Variants in CMKLR2 observed in about 807,000 individuals in gnomAD.
CMKLR2 encodes the protein chemerin-like receptor 2.
In CMKLR2, 18 loss-of-function variants were observed where a neutral mutation model predicts 23.0. That is an observed-to-expected ratio of 0.78 (90% CI 0.54 to 1.16). The LOEUF (loss-of-function observed/expected upper bound fraction) is 1.16, where lower values mean the gene tolerates loss of function less well. Among genes scored for constraint, CMKLR2 ranks in the 50% most tolerant of loss-of-function variants. The pLI is 0.00. For synonymous variants in CMKLR2, 158 were observed against 158.9 expected, an observed-to-expected ratio of 0.99 and a Z score of 0.05; for missense variants, 401 against 412.7, an observed-to-expected ratio of 0.97 and a Z score of 0.25.
chr2:206,207,396 T>A (rs537497218), intron 1 of CMKLR2, among the ~76,000 whole-genome samples: 1 of 152,098 alleles, frequency 6.6e-6, no homozygotes, highest in Non-Finnish European at 1.5e-5. Flanking sequence ...TGCCTTGGCC[T>A]CCCAGAGTGC....
chr2:206,207,628 G>C (rs1689377064), intron 1 of CMKLR2, among the ~76,000 whole-genome samples: 1 of 150,778 alleles, frequency 6.6e-6, no homozygotes, highest in Non-Finnish European at 1.5e-5. Flanking sequence ...AAGAATCCTG[G>C]GAGGTACTGT....
In CMKLR2 at chr2:206,176,485, A is replaced by T; in HGVS notation, c.763T>A (p.Phe255Ile). ...FWTILVVVVA[F>I]VVCWTPYHLF... is the part of the protein sequence containing the mutation. ...TGATAAGGAGTCCAGCAAACCACAA[A>T]GGCCACAACCACAACCAGAATTGTC... The change falls in exon 2 of 2, where the codon TTT (phenylalanine) becomes ATT (isoleucine). Residue 255 changes from phenylalanine to isoleucine, a missense_variant. Phe to Ile is a conservative substitution (Grantham distance 21). Transcript: ENST00000621141. 1 of 1,614,220 alleles carries T rather than the reference A, an allele frequency of 6.2e-7. No individual in the cohort carries two copies. Among genetic ancestry groups the T allele is most frequent in the East Asian group, 2.2e-5 (1 of 44,886 alleles).
upstream of CMKLR2, among the ~76,000 whole-genome samples, chr2:206,215,268 C>A (rs937436956): frequency 6.6e-6 from 1 of 152,162 alleles, no homozygotes; most frequent in African/African-American, 2.4e-5. Context: ...TAGAGCTCTG[C>A]TAGTTTCCAT....
intron 1 of CMKLR2, among the ~76,000 whole-genome samples, chr2:206,205,529 A>ATT (rs35597653): frequency 6.9e-6 from 1 of 144,172 alleles, no homozygotes; most frequent in Non-Finnish European, 1.5e-5. Flanking sequence ...CACCCGGCTA[A>ATT]TTTTTTTTTT....
At chr2:206,216,059 G>T (rs1689743303), upstream of CMKLR2, among the ~76,000 whole-genome samples, 1 of 152,188 alleles carries the variant, frequency 6.6e-6, no homozygotes, top group African/African-American at 2.4e-5. Context: ...AGGATTTCTG[G>T]ACAGTTTTGC....
chr2:206,180,734 C>CATTATTATTATTATTATTATTATT (rs58356678), intron 1 of CMKLR2, among the ~76,000 whole-genome samples: 1 of 130,562 alleles, frequency 7.7e-6, no homozygotes, highest in Non-Finnish European at 1.6e-5. Context: ...GTGCCCAGCC[C>CATTATTATTATTATTATTATTATT]ATTATTATTA....
chr2:206,202,861 C>G (rs866148853), intron 1 of CMKLR2, among the ~76,000 whole-genome samples: 7 of 152,214 alleles, frequency 4.6e-5, no homozygotes, highest in Admixed American at 4.6e-4. Context: ...TGTCACCCCT[C>G]CATCCACTGT....
intron 1 of CMKLR2, among the ~76,000 whole-genome samples, chr2:206,186,413 A>G (rs1369396184): frequency 1.3e-5 from 2 of 152,024 alleles, no homozygotes; most frequent in Non-Finnish European, 2.9e-5. Flanking sequence ...GCCCGGCCGG[A>G]ATGGGCTTTT....
At chr2:206,187,847 C>T (rs947438055) in intron 1 of CMKLR2, among the ~76,000 whole-genome samples, 6 of 152,080 alleles carry the variant, frequency 3.9e-5, no homozygotes, top group African/African-American at 1.4e-4. Flanking sequence ...TAGAAAGAAG[C>T]TGTGGTGGGC....
chr2:206,210,307 GTCC>G (rs1223598463), intron 1 of CMKLR2, among the ~76,000 whole-genome samples: 3 of 152,112 alleles, frequency 2.0e-5, no homozygotes, highest in African/African-American at 7.2e-5. Context: ...CTCCATCCAT[GTCC>G]CTGCAAAGGA....
chr2:206,213,742 A>C (rs1308841261), upstream of CMKLR2: 1 of 152,258 alleles, frequency 6.6e-6, no homozygotes, highest in Non-Finnish European at 1.5e-5. Context: ...ATGTTCTTCG[A>C]ATGCATGGTA....
At chr2:206,196,776 ACT>A (rs1210443962) in intron 1 of CMKLR2, among the ~76,000 whole-genome samples, 15 of 152,070 alleles carry the variant, frequency 9.9e-5, no homozygotes, top group Non-Finnish European at 2.1e-4. Context: ...GCTGGTTCTG[ACT>A]CTGTTGTTAA....
At chr2:206,177,443 C>T (rs751492949) in intron 1 of CMKLR2, among the ~76,000 whole-genome samples, 168 bp from the exon 2 acceptor site, 39 of 152,208 alleles carry the variant, frequency 2.6e-4, no homozygotes, top group Non-Finnish European at 4.3e-4. Flanking sequence ...AGCTGGAGTG[C>T]AATGGCATGC....
intron 1 of CMKLR2, among the ~76,000 whole-genome samples, chr2:206,207,679 AAAGTGGTG>A (rs1389005983): frequency 4.7e-5 from 7 of 149,504 alleles, no homozygotes; most frequent in Non-Finnish European, 1.0e-4. Context: ...GCACTTAGCA[AAAGTGGTG>A]AAGAACAGAC....
intron 1 of CMKLR2, among the ~76,000 whole-genome samples, chr2:206,207,894 C>T (rs1363579426): frequency 6.6e-6 from 1 of 151,708 alleles, no homozygotes; most frequent in East Asian, 1.9e-4. Context: ...AGGCATGTGC[C>T]ACCATGCTCA....
intron 1 of CMKLR2, among the ~76,000 whole-genome samples, chr2:206,195,388 G>T (rs1164070721): frequency 6.6e-6 from 1 of 152,154 alleles, no homozygotes; most frequent in Non-Finnish European, 1.5e-5. Context: ...GCAAGACGTT[G>T]CATCTGTTTA....
At chr2:206,188,700 C>T (rs1458062401) in intron 1 of CMKLR2, among the ~76,000 whole-genome samples, 1 of 152,238 alleles carries the variant, frequency 6.6e-6, no homozygotes, top group Non-Finnish European at 1.5e-5. Context: ...TTGGAGGACC[C>T]ACGTTATCAC....
At chr2:206,203,317 G>A (rs971431194) in intron 1 of CMKLR2, 1 of 135,290 alleles carries the variant, frequency 7.4e-6, no homozygotes, top group African/African-American at 2.8e-5. Context: ...CGAAAAGCGC[G>A]AGACTCTGTC....
chr2:206,178,544 A>G (rs1268030622), intron 1 of CMKLR2, among the ~76,000 whole-genome samples: 1 of 152,224 alleles, frequency 6.6e-6, no homozygotes, highest in Non-Finnish European at 1.5e-5. Context: ...TACAGAATGC[A>G]ATTAAGCTTT....
Sources: gnomAD v4.1 joint callset for allele counts (sites outside exome capture counted in the v4.1 genomes callset) on GRCh38, gnomAD v4.1.1 for gene constraint, MANE v1.5 for transcripts, NCBI Gene and HGNC (gene_info 2026-07-23, HGNC 2026-07-21) for gene names.